The following RABEP1 variants were observed in gnomAD, a reference collection of about 807,000 sequenced individuals.
RABEP1 encodes rabaptin, RAB GTPase binding effector protein 1.
RABEP1 carries 51 observed loss-of-function variants against 123.4 expected under a neutral mutation model. The observed-to-expected ratio is 0.41, with a 90% confidence interval of 0.33 to 0.52. The LOEUF is 0.52. Among genes scored for constraint, RABEP1 ranks in the 20% least tolerant of loss-of-function variants. The pLI is 0.16. For missense variants in RABEP1, 888 were observed against 996.3 expected, an observed-to-expected ratio of 0.89 and a Z score of 1.46; for synonymous variants, 347 against 355.2, an observed-to-expected ratio of 0.98 and a Z score of 0.26.
chr17:5,292,060 G>T (rs896449527), intron 1 of RABEP1, among the ~76,000 whole-genome samples: 1 of 152,108 alleles, frequency 6.6e-6, no homozygotes, highest in Admixed American at 6.6e-5. Flanking sequence ...AGAGTGTTCT[G>T]GATCTGAAGT....
chr17:5,318,082 G>A (rs570800715), intron 2 of RABEP1, among the ~76,000 whole-genome samples: 2 of 152,234 alleles, frequency 1.3e-5, no homozygotes, highest in South Asian at 4.1e-4. Flanking sequence ...ACTGGTAAAT[G>A]CAAATAAATG....
chr17:5,320,582 G>A (rs993493280), intron 2 of RABEP1, among the ~76,000 whole-genome samples: 1 of 152,120 alleles, frequency 6.6e-6, no homozygotes, highest in Non-Finnish European at 1.5e-5. Context: ...TTCAGAGATA[G>A]GTAATGTAGA....
chr17:5,343,690 T>G (rs1335442372), intron 5 of RABEP1, among the ~76,000 whole-genome samples: 1 of 144,898 alleles, frequency 6.9e-6, no homozygotes, highest in Non-Finnish European at 1.5e-5. Flanking sequence ...TTTTTTTTTT[T>G]TTTGAGTCAG....
chr17:5,352,900 T>C (rs1022275382), intron 7 of RABEP1, among the ~76,000 whole-genome samples: 4 of 152,226 alleles, frequency 2.6e-5, no homozygotes, highest in Non-Finnish European at 5.9e-5. Context: ...TCAACATTTA[T>C]TGAGCTCTTA....
chr17:5,335,442 T>C (rs974247821), intron 4 of RABEP1, 98 bp downstream of exon 4: 3 of 1,056,074 alleles, frequency 2.8e-6, no homozygotes, highest in African/African-American at 1.6e-5. Flanking sequence ...TACTTTGATA[T>C]TTCCTGTGAG....
Position 5,365,210 on chromosome 17 carries a change from A to C in RABEP1, c.1757A>C (p.Lys586Thr), listed in dbSNP as rs1452569559. 6.2e-7 allele frequency: 1 copy of C among 1,610,606 alleles called. No individual in the cohort carries two copies. Among genetic ancestry groups the C allele is most frequent in the South Asian group, 1.1e-5 (1 of 90,376 alleles). Residue 586 changes from lysine to threonine, a missense_variant, in exon 11 of 18, where the codon AAG becomes ACG. By Grantham distance (78) the Lys-to-Thr change is moderately conservative. Coordinates refer to ENST00000537505, the MANE Select transcript of RABEP1 (RefSeq NM_004703.6). Reference sequence around the variant, plus strand: ...AAGCAGGAGCTGGAAGACTTCATAAAGCAAAGCAGCGAAGATTCGAGTCAC... The same window carrying C: ...AAGCAGGAGCTGGAAGACTTCATAACGCAAAGCAGCGAAGATTCGAGTCAC... ...KDKQELEDFI[K>T]QSSEDSSHQI...
chr17:5,379,469 G>A (rs1479514352), intron 15 of RABEP1, among the ~76,000 whole-genome samples: 4 of 151,940 alleles, frequency 2.6e-5, no homozygotes, highest in Admixed American at 6.6e-5. Context: ...CTCCTCTCCC[G>A]AGCTACCACT....
intron 1 of RABEP1, among the ~76,000 whole-genome samples, chr17:5,301,782 AAAAT>A (rs533465211): frequency 1.5e-3 from 229 of 152,220 alleles, no homozygotes; most frequent in African/African-American, 5.2e-3. Context: ...AAAAAAAAAA[AAAAT>A]CAACCACCTG....
At position 5,364,059 on chromosome 17, in the gene RABEP1, G is replaced by T. The variant is rs562438992; in HGVS notation, c.1668+1043G>T. On this transcript the variant is annotated intron_variant, in intron 10 of 17. Transcript: ENST00000537505. ...GAATGATGGTTTAATATTTTCAAATGTCATTGCTATTGAGTTCCTTCATAC... is the reference window on the plus strand; with the variant it reads ...GAATGATGGTTTAATATTTTCAAATTTCATTGCTATTGAGTTCCTTCATAC... 2.0e-5 allele frequency among the ~76,000 whole-genome samples: 3 copies of T among 152,318 alleles called. No homozygotes were observed. In the East Asian group the frequency reaches 5.8e-4, roughly 29 times the overall value.
At chr17:5,364,019 A>C (rs1200889684) in intron 10 of RABEP1, among the ~76,000 whole-genome samples, 2 of 152,242 alleles carry the variant, frequency 1.3e-5, no homozygotes, top group African/African-American at 4.8e-5. Context: ...CTTCAAAATA[A>C]CTTCAAGCCA....
At chr17:5,329,620 T>C (rs1023271599) in intron 2 of RABEP1, among the ~76,000 whole-genome samples, 1 of 152,184 alleles carries the variant, frequency 6.6e-6, no homozygotes, top group African/African-American at 2.4e-5. Flanking sequence ...CCCTCAACTT[T>C]TGAATATGTT....
At position 5,350,641 on chromosome 17, in the gene RABEP1, T is replaced by C. The variant is rs747486443; in HGVS notation, c.963+12T>C. ...AGAAGAAAGATCAGGTGAATAGAAG[T>C]TTTTAGGACTGATTTGCTTTGTCAG... On this transcript the variant is annotated intron_variant, in intron 7 of 17. Coordinates refer to ENST00000537505, the MANE Select transcript of RABEP1 (RefSeq NM_004703.6). 3.1e-6 allele frequency: 5 copies of C among 1,612,756 alleles called. No homozygotes were observed. In the South Asian group the frequency reaches 5.5e-5, roughly 18 times the overall value.
chr17:5,340,668 C>A (rs1173730100), intron 5 of RABEP1, among the ~76,000 whole-genome samples: 1 of 149,490 alleles, frequency 6.7e-6, no homozygotes, highest in Non-Finnish European at 1.5e-5. Context: ...CAAACTGAGC[C>A]GGGCGCAGTG....
intron 10 of RABEP1, chr17:5,364,398 A>C (rs1324141645): frequency 6.6e-6 from 1 of 152,268 alleles, no homozygotes; most frequent in Admixed American, 6.5e-5. Context: ...AAAGCCATGA[A>C]GACATCACTT....
chr17:5,312,731 C>T (rs2075256535), intron 2 of RABEP1, among the ~76,000 whole-genome samples: 2 of 151,984 alleles, frequency 1.3e-5, no homozygotes, highest in African/African-American at 2.4e-5. Flanking sequence ...GTTTCTATTC[C>T]CAAGAAAGAA....
At chr17:5,320,913 T>C (rs1001001007) in intron 2 of RABEP1, among the ~76,000 whole-genome samples, 2 of 152,214 alleles carry the variant, frequency 1.3e-5, no homozygotes, top group African/African-American at 4.8e-5. Flanking sequence ...TCCTTTCTTA[T>C]AGATAATAAC....
chr17:5,339,049 T>C (rs1907345221), intron 5 of RABEP1, among the ~76,000 whole-genome samples: 1 of 152,020 alleles, frequency 6.6e-6, no homozygotes, highest in African/African-American at 2.4e-5. Flanking sequence ...CCCACCTACT[T>C]GGGAGACTGA....
At chr17:5,291,854 G>C (rs1349026558) in intron 1 of RABEP1, among the ~76,000 whole-genome samples, 1 of 152,076 alleles carries the variant, frequency 6.6e-6, no homozygotes, top group East Asian at 1.9e-4. Flanking sequence ...GCAGTGATCT[G>C]AGATTGAGCC....
In RABEP1 at chr17:5,361,693, C is replaced by G. The variant is rs1239859996; in HGVS notation, c.1563+18C>G. Reference sequence around the variant, plus strand: ...AGAAAGAGGTGAGTTACCTTTCTCACGTTTTTCCTCTTGCTCACGCTGAGG... The same window carrying G: ...AGAAAGAGGTGAGTTACCTTTCTCAGGTTTTTCCTCTTGCTCACGCTGAGG... On this transcript the variant is annotated intron_variant, in intron 9 of 17. Coordinates refer to ENST00000537505, the MANE Select transcript of RABEP1 (RefSeq NM_004703.6). 2 of 1,571,730 alleles carry G rather than the reference C, an allele frequency of 1.3e-6. No individual in the cohort carries two copies. Among genetic ancestry groups the G allele is most frequent in the African/African-American group, 2.7e-5 (2 of 73,420 alleles).
Sources: gnomAD v4.1 joint callset for allele counts (sites outside exome capture counted in the v4.1 genomes callset) on GRCh38, gnomAD v4.1.1 for gene constraint, MANE v1.5 for transcripts, NCBI Gene and HGNC (gene_info 2026-07-23, HGNC 2026-07-21) for gene names.